Variants in CDC42EP4 observed in about 807,000 individuals in gnomAD.
The protein encoded by CDC42EP4 is CDC42 effector protein 4.
Under a neutral mutation model 5.6 loss-of-function variants are expected in CDC42EP4, and 6 were observed. The observed-to-expected ratio is 1.07, with a 90% CI of 0.59 to 2.12. The LOEUF (loss-of-function observed/expected upper bound fraction) is 2.12. Ranked by LOEUF, CDC42EP4 falls within the 30% of genes most tolerant of loss-of-function variation. The pLI, the probability that CDC42EP4 is intolerant of heterozygous loss-of-function variation, is 0.00. For synonymous variants in CDC42EP4, 230 were observed against 224.2 expected (o/e 1.03, Z -0.23); for missense variants, 490 against 508.6 (o/e 0.96, Z 0.35).
At chr17:73,303,231 T>C (rs2062228152) in intron 1 of CDC42EP4, among the ~76,000 whole-genome samples, 1 of 151,732 alleles carries the variant, frequency 6.6e-6, no homozygotes, top group South Asian at 2.1e-4. Flanking sequence ...TAATCCTAGC[T>C]ACTCGGAAGG....
At chr17:73,308,068 C>T (rs916313406) in intron 1 of CDC42EP4, among the ~76,000 whole-genome samples, 2 of 151,980 alleles carry the variant, frequency 1.3e-5, no homozygotes, top group African/African-American at 2.4e-5. Flanking sequence ...CTTCCCAACG[C>T]ACTCAAGCAA....
At chr17:73,290,569 A>C (rs1489956651) in intron 1 of CDC42EP4, among the ~76,000 whole-genome samples, 1 of 152,214 alleles carries the variant, frequency 6.6e-6, no homozygotes, top group Non-Finnish European at 1.5e-5. Context: ...CACAACAAGC[A>C]AAACTGTCTC....
rs73996163 is a variant in CDC42EP4 at position 73,309,860 on chromosome 17, A to C, written c.-113+2033T>G. 5.5e-3 allele frequency: 845 copies of C among 152,332 alleles called. 7 individuals carry two copies. Among genetic ancestry groups the C allele is most frequent in the East Asian group, 0.011 (56 of 5,180 alleles). The allele number at this position is 152,332 out of a possible 1,614,324, so 9.4% of individuals were successfully genotyped here. ...TGGGATCTCCCCAAATTCACTGAAC[A>C]CCCCTTGTGGGAAGGAGCAGCTGTC... On this transcript the variant is annotated intron_variant, in intron 1 of 1. Coordinates refer to ENST00000335793, the MANE Select transcript of CDC42EP4 (RefSeq NM_012121.5).
intron 1 of CDC42EP4, among the ~76,000 whole-genome samples, chr17:73,304,872 C>T (rs1483933496): frequency 1.3e-5 from 2 of 152,216 alleles, no homozygotes; most frequent in Non-Finnish European, 2.9e-5. Context: ...TACAGCCCAA[C>T]ACCCCAGGTC....
intron 1 of CDC42EP4, among the ~76,000 whole-genome samples, chr17:73,302,387 C>A (rs1389475831): frequency 6.6e-6 from 1 of 152,190 alleles, no homozygotes; most frequent in Non-Finnish European, 1.5e-5. Flanking sequence ...ACAGTGATAT[C>A]CTAAACCTCC....
chr17:73,300,267 G>C (rs1268512724), intron 1 of CDC42EP4, among the ~76,000 whole-genome samples: 1 of 152,102 alleles, frequency 6.6e-6, no homozygotes, highest in Non-Finnish European at 1.5e-5. Context: ...CAAGGTCCCA[G>C]ATTTCATGCC....
At chr17:73,298,536 A>C (rs1007943107) in intron 1 of CDC42EP4, among the ~76,000 whole-genome samples, 3 of 152,240 alleles carry the variant, frequency 2.0e-5, no homozygotes, top group African/African-American at 7.2e-5. Context: ...TTTTACTTCT[A>C]TAGCTCTAGC....
At chr17:73,292,090 G>A (rs756589367) in intron 1 of CDC42EP4, among the ~76,000 whole-genome samples, 5 of 152,220 alleles carry the variant, frequency 3.3e-5, no homozygotes, top group African/African-American at 7.2e-5. Context: ...TGAGGCAGGC[G>A]CCAGACCTGA....
intron 1 of CDC42EP4, among the ~76,000 whole-genome samples, chr17:73,299,732 G>A (rs1482473986): frequency 1.3e-5 from 2 of 152,158 alleles, no homozygotes; most frequent in African/African-American, 2.4e-5. Flanking sequence ...TGTACATGTG[G>A]AGCAGGGTGG....
chr17:73,298,381 C>T (rs2062199692), intron 1 of CDC42EP4, among the ~76,000 whole-genome samples: 1 of 152,188 alleles, frequency 6.6e-6, no homozygotes, highest in Non-Finnish European at 1.5e-5. Flanking sequence ...TTAAGCCTCC[C>T]CAGCTGAGCA....
chr17:73,308,712 C>A (rs1302564525), intron 1 of CDC42EP4, among the ~76,000 whole-genome samples: 2 of 152,114 alleles, frequency 1.3e-5, no homozygotes, highest in Non-Finnish European at 2.9e-5. Flanking sequence ...ACCCAAGGCC[C>A]TTCTGGAAAA....
chr17:73,304,370 C>T (rs2062234554), intron 1 of CDC42EP4, among the ~76,000 whole-genome samples: 1 of 150,596 alleles, frequency 6.6e-6, no homozygotes, highest in Non-Finnish European at 1.5e-5. Flanking sequence ...TAACCTCAAA[C>T]TTCTGGGCTC....
chr17:73,305,320 CCCT>C (rs2062239480), intron 1 of CDC42EP4, among the ~76,000 whole-genome samples: 1 of 152,230 alleles, frequency 6.6e-6, no homozygotes, highest in African/African-American at 2.4e-5. Flanking sequence ...ACAGGCTGGG[CCCT>C]CCTCCTCTAG....
At chr17:73,287,411 G>GCGGGGAGTGGGAGT (rs1360721968) in intron 1 of CDC42EP4, among the ~76,000 whole-genome samples, 1 of 152,158 alleles carries the variant, frequency 6.6e-6, no homozygotes, top group Non-Finnish European at 1.5e-5. Flanking sequence ...GGAGTGGGAG[G>GCGGGGAGTGGGAGT]CAGGGACTGG....
chr17:73,298,015 A>C (rs1479291921), intron 1 of CDC42EP4, among the ~76,000 whole-genome samples: 6 of 146,290 alleles, frequency 4.1e-5, no homozygotes, highest in Non-Finnish European at 7.6e-5. Context: ...AAAAAAACCC[A>C]AAGTATCAAA....
intron 1 of CDC42EP4, among the ~76,000 whole-genome samples, chr17:73,308,485 G>C (rs1220916309): frequency 6.6e-6 from 1 of 152,178 alleles, no homozygotes; most frequent in Non-Finnish European, 1.5e-5. Flanking sequence ...TGAGAACACA[G>C]AAGGCTGGAC....
Position 73,283,897 on chromosome 17 carries a change from C to A in CDC42EP4, c.*1533G>T, listed in dbSNP as rs1037891363. On this transcript the variant is annotated 3_prime_UTR_variant, in exon 2 of 2. Coordinates refer to ENST00000335793, the MANE Select transcript of CDC42EP4 (RefSeq NM_012121.5). ...GGCCGGGCCACAGTCGCCATGGGGACGCCCCTGGCTGTGGTTGGTTCTGTG... is the reference window on the plus strand; with the variant it reads ...GGCCGGGCCACAGTCGCCATGGGGAAGCCCCTGGCTGTGGTTGGTTCTGTG... 6.6e-6 allele frequency: 1 copy of A among 152,356 alleles called. No individual in the cohort carries two copies. Among genetic ancestry groups the A allele is most frequent in the South Asian group, 2.1e-4 (1 of 4,826 alleles). The allele number at this position is 152,356 out of a possible 1,614,324, so 9.4% of individuals were successfully genotyped here.
chr17:73,308,177 C>T (rs980677433), intron 1 of CDC42EP4, among the ~76,000 whole-genome samples: 1 of 152,198 alleles, frequency 6.6e-6, no homozygotes, highest in African/African-American at 2.4e-5. Context: ...TCCTAGAGCA[C>T]CCCAGAAGCA....
At chr17:73,297,647 TTTTGTTTA>T (rs1231220529) in intron 1 of CDC42EP4, among the ~76,000 whole-genome samples, 200 of 152,038 alleles carry the variant, frequency 1.3e-3, no homozygotes, top group Middle Eastern at 6.8e-3. Flanking sequence ...CTCTTTTTCT[TTTTGTTTA>T]TTTATTTATT....
Sources: allele counts gnomAD v4.1 joint callset (sites outside exome capture counted in the v4.1 genomes callset), GRCh38; gene constraint gnomAD v4.1.1; transcripts MANE v1.5; gene names NCBI Gene and HGNC (gene_info 2026-07-23, HGNC 2026-07-21).